The following RGS5 variants were observed in gnomAD, a reference collection of about 807,000 sequenced individuals.
RGS5 encodes regulator of G-protein signalling 5.
In RGS5, 20 loss-of-function variants were observed where a neutral mutation model predicts 18.9. The ratio of observed to expected loss-of-function variants is 1.06; its 90% CI spans 0.74 to 1.54. The LOEUF (loss-of-function observed/expected upper bound fraction) is 1.54, where lower values mean the gene tolerates loss of function less well. Ranked by LOEUF, RGS5 falls within the 40% of genes most tolerant of loss-of-function variation. The probability of loss-of-function intolerance (pLI) is 0.00; values close to 1 mark genes in which losing one functional copy is unlikely to be tolerated. For missense variants in RGS5, 201 were observed against 211.8 expected, an observed-to-expected ratio of 0.95 and a Z score of 0.32; for synonymous variants, 57 against 76.2, an observed-to-expected ratio of 0.75 and a Z score of 1.31.
intron 2 of RGS5, among the ~76,000 whole-genome samples, chr1:163,265,596 C>T (rs568797614): frequency 5.3e-5 from 8 of 152,208 alleles, no homozygotes; most frequent in South Asian, 2.1e-4. Context: ...TCTCTCCTTC[C>T]TTTAACTCAA....
intron 1 of RGS5, among the ~76,000 whole-genome samples, chr1:163,309,972 G>A (rs1222507929): frequency 6.6e-6 from 1 of 152,076 alleles, no homozygotes; most frequent in Non-Finnish European, 1.5e-5. Context: ...AGGGCTCTTG[G>A]GTGACTAGGA....
chr1:163,181,185 T>G (rs7533913), intron 1 of RGS5, among the ~76,000 whole-genome samples: 57,185 of 151,904 alleles, frequency 0.38, 11,098 homozygotes, highest in Middle Eastern at 0.52. Flanking sequence ...ATCTACCATA[T>G]CTACTTCAAA....
intron 2 of RGS5, among the ~76,000 whole-genome samples, chr1:163,163,489 A>AC (rs545995577): frequency 6.6e-6 from 1 of 151,560 alleles, no homozygotes; most frequent in Non-Finnish European, 1.5e-5. Context: ...ACAAAGAAAA[A>AC]AAAATGGCAT....
intron 2 of RGS5, chr1:163,304,400 G>A (rs980560048): frequency 6.6e-6 from 1 of 152,180 alleles, no homozygotes; most frequent in South Asian, 2.1e-4. Context: ...CTCACCAGGT[G>A]GGAAAACAGC....
chr1:163,235,899 A>T (rs780596529), intron 2 of RGS5, among the ~76,000 whole-genome samples: 2 of 152,236 alleles, frequency 1.3e-5, no homozygotes, highest in Non-Finnish European at 2.9e-5. Flanking sequence ...TGCCAGGACA[A>T]TGCCTTTAAA....
intron 3 of RGS5, among the ~76,000 whole-genome samples, chr1:163,154,588 A>G (rs1297428472): frequency 6.6e-6 from 1 of 152,014 alleles, no homozygotes; most frequent in East Asian, 1.9e-4. Context: ...AAGGAAAAAA[A>G]AACCAATTTT....
intron 2 of RGS5, among the ~76,000 whole-genome samples, chr1:163,267,808 T>C (rs1283094511): frequency 6.6e-6 from 1 of 152,012 alleles, no homozygotes; most frequent in Non-Finnish European, 1.5e-5. Context: ...TTGTGGATGG[T>C]AGTCTGAAAA....
chr1:163,314,776 C>A (rs557714512), intron 1 of RGS5, among the ~76,000 whole-genome samples: 1 of 152,144 alleles, frequency 6.6e-6, no homozygotes, highest in East Asian at 1.9e-4. Flanking sequence ...GGGACTAGTG[C>A]CCTTAAAAAA....
intron 2 of RGS5, chr1:163,266,770 TC>T (rs1361195542): frequency 6.6e-6 from 1 of 152,072 alleles, no homozygotes; most frequent in Non-Finnish European, 1.5e-5. Context: ...AGCATTTATC[TC>T]CCCCTCTTGA....
intron 1 of RGS5, among the ~76,000 whole-genome samples, chr1:163,174,603 T>C (rs1658460448): frequency 6.6e-6 from 1 of 152,192 alleles, no homozygotes; most frequent in African/African-American, 2.4e-5. Flanking sequence ...TTTCTGTCCT[T>C]GAAAGAGATT....
chr1:163,310,972 G>A (rs1277012935), intron 1 of RGS5, among the ~76,000 whole-genome samples: 1 of 152,166 alleles, frequency 6.6e-6, no homozygotes, highest in Non-Finnish European at 1.5e-5. Flanking sequence ...CAGATCTCAT[G>A]ACAACTCAAT....
chr1:163,254,291 T>G (rs1648206134), intron 2 of RGS5, among the ~76,000 whole-genome samples: 1 of 151,456 alleles, frequency 6.6e-6, no homozygotes, highest in African/African-American at 2.4e-5. Context: ...TTCCTATTTC[T>G]CCACATCCTC....
At chr1:163,320,439 GC>G (rs1650159895) in intron 1 of RGS5, among the ~76,000 whole-genome samples, 1 of 152,000 alleles carries the variant, frequency 6.6e-6, no homozygotes, top group Admixed American at 6.6e-5. Context: ...TAAATAGCTC[GC>G]CTAAGTCCAC....
chr1:163,185,698 G>T (rs1442043180), intron 1 of RGS5, among the ~76,000 whole-genome samples: 1 of 152,196 alleles, frequency 6.6e-6, no homozygotes, highest in Admixed American at 6.5e-5. Context: ...TGGCTGCAAG[G>T]TTGTTGCAAC....
At chr1:163,153,862 G>A (rs1033186710) in intron 3 of RGS5, among the ~76,000 whole-genome samples, 2 of 151,736 alleles carry the variant, frequency 1.3e-5, no homozygotes, top group Admixed American at 6.6e-5. Context: ...TCTAAACAAT[G>A]TATGGCTATA....
At chr1:163,171,530 T>C (rs1328267861) in intron 1 of RGS5, among the ~76,000 whole-genome samples, 3 of 152,204 alleles carry the variant, frequency 2.0e-5, no homozygotes, top group Admixed American at 2.0e-4. Flanking sequence ...TCTGTTTGGT[T>C]GGTTGTTTTG....
chr1:163,304,411 T>C lies in RGS5; in HGVS notation c.-281+1822A>G, dbSNP rs1420943897. On this transcript the variant is annotated intron_variant, in intron 2 of 5. Coordinates refer to the RGS5 transcript ENST00000618415. ...TCTGCTCACCAGGTGGGAAAACAGCTCGAGAAACTAATCTGAGCAAAGGTG... is the reference window on the plus strand; with the variant it reads ...TCTGCTCACCAGGTGGGAAAACAGCCCGAGAAACTAATCTGAGCAAAGGTG... 2.0e-5 allele frequency: 3 copies of C among 152,182 alleles called. No homozygotes were observed. The East Asian group carries it at 5.8e-4, about 29-fold the overall frequency. 9.4% of individuals were successfully genotyped at this position (152,182 alleles called of 1,614,324 possible).
intron 2 of RGS5, chr1:163,162,891 G>T (rs1396547999): frequency 1.3e-5 from 2 of 152,058 alleles, no homozygotes; most frequent in Admixed American, 1.3e-4. Context: ...GTTCTTCGTT[G>T]CCAAATCAAA....
chr1:163,315,667 T>C (rs1650000118), intron 1 of RGS5, among the ~76,000 whole-genome samples: 1 of 152,170 alleles, frequency 6.6e-6, no homozygotes, highest in African/African-American at 2.4e-5. Context: ...TTAACAAAGA[T>C]ACTGTATTGC....
Sources: gnomAD v4.1 joint callset for allele counts (sites outside exome capture counted in the v4.1 genomes callset) on GRCh38, gnomAD v4.1.1 for gene constraint, MANE v1.5 for transcripts, NCBI Gene and HGNC (gene_info 2026-07-23, HGNC 2026-07-21) for gene names.